The following C8orf34 variants were observed in gnomAD, a reference collection of about 807,000 sequenced individuals.
C8orf34 encodes chromosome 8 open reading frame 34, also known as uncharacterized protein C8orf34.
Under a neutral mutation model 68.3 loss-of-function variants are expected in C8orf34, and 65 were observed. That is an observed-to-expected ratio of 0.95 (90% CI 0.78 to 1.17). The LOEUF is 1.17. Among genes scored for constraint, C8orf34 ranks in the 50% most tolerant of loss-of-function variants. The pLI is 0.00. For synonymous variants in C8orf34, 244 were observed against 241.2 expected, an observed-to-expected ratio of 1.01 and a Z score of -0.11; for missense variants, 664 against 655.4, an observed-to-expected ratio of 1.01 and a Z score of -0.14.
intron 10 of C8orf34, among the ~76,000 whole-genome samples, chr8:68,727,624 G>A (rs549859512): frequency 7.2e-5 from 11 of 152,342 alleles, no homozygotes; most frequent in South Asian, 2.1e-4. Context: ...GCATCCAGGC[G>A]TTTCCATATA....
At chr8:68,442,183 A>T (rs1392414724) in intron 2 of C8orf34, among the ~76,000 whole-genome samples, 1 of 152,126 alleles carries the variant, frequency 6.6e-6, no homozygotes, top group Non-Finnish European at 1.5e-5. Context: ...TGCCAAGACA[A>T]GTGGTTGGGG....
chr8:68,748,714 A>G (rs1423572342), intron 10 of C8orf34, among the ~76,000 whole-genome samples: 6 of 151,944 alleles, frequency 3.9e-5, no homozygotes, highest in East Asian at 1.9e-4. Flanking sequence ...TTAGAATGGC[A>G]ATCATTAAAA....
intron 1 of C8orf34, among the ~76,000 whole-genome samples, chr8:68,401,486 T>C (rs1195080727): frequency 6.6e-6 from 1 of 152,134 alleles, no homozygotes; most frequent in African/African-American, 2.4e-5. Flanking sequence ...ACCTTTTCCC[T>C]ATTCACTATA....
chr8:68,501,618 T>G (rs545723793), intron 5 of C8orf34, among the ~76,000 whole-genome samples: 18 of 152,270 alleles, frequency 1.2e-4, no homozygotes, highest in African/African-American at 4.3e-4. Flanking sequence ...AGGTATGGGT[T>G]TCATTTTTTA....
intron 7 of C8orf34, among the ~76,000 whole-genome samples, chr8:68,547,973 G>A (rs1414776609): frequency 1.3e-5 from 2 of 151,728 alleles, no homozygotes; most frequent in Non-Finnish European, 3.0e-5. Flanking sequence ...TCAACCATTG[G>A]TGCTGGAACA....
At chr8:68,457,918 A>G (rs1271724016) in intron 3 of C8orf34, among the ~76,000 whole-genome samples, 9 of 152,068 alleles carry the variant, frequency 5.9e-5, no homozygotes, top group Non-Finnish European at 1.3e-4. Context: ...GTATGACTTA[A>G]ATAATGTTTT....
At chr8:68,699,452 A>G (rs756396930) in intron 8 of C8orf34, among the ~76,000 whole-genome samples, 1 of 152,052 alleles carries the variant, frequency 6.6e-6, no homozygotes, top group Non-Finnish European at 1.5e-5. Context: ...CCATATGAAC[A>G]TAATCCTTTC....
intron 1 of C8orf34, among the ~76,000 whole-genome samples, chr8:68,416,628 T>A (rs1054306098): frequency 8.6e-4 from 130 of 151,996 alleles, no homozygotes; most frequent in African/African-American, 2.9e-3. Flanking sequence ...TCCTACCAGG[T>A]TTGAGTGATT....
chr8:68,550,880 G>A lies in C8orf34; in HGVS notation c.1105+17731G>A, dbSNP rs1413399199. Reference sequence around the variant, plus strand: ...TAATTCTTATGTTTCCTCCCTAATGGTAAAGTTTTTTTTTTTGTTTTGTTT... The same window carrying A: ...TAATTCTTATGTTTCCTCCCTAATGATAAAGTTTTTTTTTTTGTTTTGTTT... On this transcript the variant is annotated intron_variant, in intron 7 of 13. Transcript: ENST00000518698. 2.0e-5 allele frequency among the ~76,000 whole-genome samples: 3 copies of A among 150,896 alleles called. No individual in the cohort carries two copies. The East Asian group carries it at 5.8e-4, about 29-fold the overall frequency.
intron 1 of C8orf34, among the ~76,000 whole-genome samples, chr8:68,413,281 A>T (rs1293823161): frequency 6.6e-6 from 1 of 152,182 alleles, no homozygotes; most frequent in African/African-American, 2.4e-5. Flanking sequence ...CTTTACTGAG[A>T]TAATCAAAGC....
intron 10 of C8orf34, among the ~76,000 whole-genome samples, chr8:68,745,137 C>G (rs1318178079): frequency 1.3e-5 from 2 of 151,998 alleles, no homozygotes; most frequent in Admixed American, 1.3e-4. Flanking sequence ...CCAAACTAAG[C>G]TTCATAAGTG....
intron 1 of C8orf34, among the ~76,000 whole-genome samples, chr8:68,367,989 T>C (rs997251691): frequency 1.3e-5 from 2 of 150,566 alleles, no homozygotes; most frequent in Non-Finnish European, 3.0e-5. Context: ...ATTTCTACTC[T>C]GCTCTGCACT....
At chr8:68,568,535 C>A (rs1203241632) in intron 7 of C8orf34, among the ~76,000 whole-genome samples, 2 of 151,164 alleles carry the variant, frequency 1.3e-5, no homozygotes, top group South Asian at 4.2e-4. Context: ...TTGCTGGATG[C>A]AGGGCTGCCA....
chr8:68,682,893 C>A (rs1031933571), intron 8 of C8orf34, among the ~76,000 whole-genome samples: 2 of 152,004 alleles, frequency 1.3e-5, no homozygotes, highest in Non-Finnish European at 2.9e-5. Context: ...TATTACATTT[C>A]GATTGAGTTT....
intron 5 of C8orf34, among the ~76,000 whole-genome samples, chr8:68,521,481 G>A (rs1046341943): frequency 2.0e-5 from 3 of 152,084 alleles, no homozygotes; most frequent in Admixed American, 1.3e-4. Context: ...CTCTGCCTAT[G>A]TGGGCCGCCC....
intron 7 of C8orf34, among the ~76,000 whole-genome samples, chr8:68,554,144 T>C (rs554779822): frequency 6.6e-6 from 1 of 152,294 alleles, no homozygotes; most frequent in South Asian, 2.1e-4. Context: ...TATAGTCTTG[T>C]TATATAAAGT....
At chr8:68,583,331 A>G (rs914329351) in intron 7 of C8orf34, among the ~76,000 whole-genome samples, 3 of 152,168 alleles carry the variant, frequency 2.0e-5, no homozygotes, top group African/African-American at 4.8e-5. Context: ...GGCTCTATTT[A>G]TTTAATTTAA....
chr8:68,738,141 GA>G (rs1374282506), intron 10 of C8orf34, among the ~76,000 whole-genome samples: 2 of 151,972 alleles, frequency 1.3e-5, no homozygotes, highest in African/African-American at 4.8e-5. Flanking sequence ...TCCAAACTAA[GA>G]AATTCAATCA....
intron 13 of C8orf34, among the ~76,000 whole-genome samples, chr8:68,816,406 T>C (rs1239963584): frequency 1.3e-5 from 2 of 152,128 alleles, no homozygotes; most frequent in African/African-American, 2.4e-5. Flanking sequence ...ATGAACTGGA[T>C]ACACAAAGAT....
Sources: allele counts gnomAD v4.1 joint callset (sites outside exome capture counted in the v4.1 genomes callset), GRCh38; gene constraint gnomAD v4.1.1; transcripts MANE v1.5; gene names NCBI Gene and HGNC (gene_info 2026-07-23, HGNC 2026-07-21).